Variants in MED13L observed in about 807,000 individuals in gnomAD.
MED13L encodes the protein mediator complex subunit 13L.
In MED13L, 7 loss-of-function variants were observed where a neutral mutation model predicts 220.9. The ratio of observed to expected loss-of-function variants is 0.03; its 90% CI spans 0.02 to 0.06. The LOEUF is 0.06. Ranked by LOEUF, MED13L falls within the 10% of genes least tolerant of loss-of-function variation. MED13L has a pLI of 1.00. For synonymous variants in MED13L, 1,011 were observed against 1,015.2 expected (o/e 1.00, Z 0.08); for missense variants, 1,965 against 2,760.5 (o/e 0.71, Z 6.46).
At chr12:116,018,777 A>C (rs1044968854) in intron 7 of MED13L, among the ~76,000 whole-genome samples, 1 of 152,142 alleles carries the variant, frequency 6.6e-6, no homozygotes, top group Non-Finnish European at 1.5e-5. Flanking sequence ...ACTAAGCACT[A>C]GTCTAACTTT....
chr12:116,064,816 C>T (rs753039975), intron 4 of MED13L, among the ~76,000 whole-genome samples: 42 of 152,206 alleles, frequency 2.8e-4, no homozygotes, highest in Admixed American at 4.6e-4. Context: ...CCAATCTCCA[C>T]ATTGTAGAGC....
rs1173196797 is a variant in MED13L, at chr12:116,031,675, AAAAAGAAAAGAAAAGAAAAG to A, written c.480-9094_480-9075del. Among the ~76,000 whole-genome samples the A allele has an allele frequency of 1.9e-3, 129 of 68,096 alleles. 3 individuals are homozygous for A. The highest frequency in any genetic ancestry group is 3.7e-3 in the East Asian group (9 of 2,412). 44.7% of individuals were successfully genotyped at this position (68,096 alleles called of 152,430 possible). A position where few individuals can be genotyped will look rare whatever the true frequency, so the allele number is the denominator to read the frequency against. ...GGACGGGACGGGACGGGAGAAAAGA[AAAAAGAAAAGAAAAGAAAAG>A]AAAAGAAAAGAAAAGAAAAGAAAAG... On this transcript the variant is annotated intron_variant, in intron 4 of 30. Coordinates refer to ENST00000281928, the MANE Select transcript of MED13L (RefSeq NM_015335.5).
At chr12:116,271,024 G>C (rs11067964) in intron 1 of MED13L, among the ~76,000 whole-genome samples, 12,875 of 118,502 alleles carry the variant, frequency 0.11, 674 homozygotes, top group East Asian at 0.27. Flanking sequence ...CCTGGTGACA[G>C]AGCGAGACTC....
At chr12:115,994,686 A>G (rs2137319801) in intron 16 of MED13L, among the ~76,000 whole-genome samples, 1 of 152,302 alleles carries the variant, frequency 6.6e-6, no homozygotes, top group Admixed American at 6.5e-5. Context: ...GGGTTCTTAA[A>G]ACTGCTATGT....
chr12:116,153,135 T>G (rs972235875), intron 2 of MED13L, among the ~76,000 whole-genome samples: 1 of 152,150 alleles, frequency 6.6e-6, no homozygotes, highest in Non-Finnish European at 1.5e-5. Context: ...ATTAGGGCAA[T>G]GACATCACAT....
intron 3 of MED13L, among the ~76,000 whole-genome samples, chr12:116,104,379 G>A (rs1478497690): frequency 6.6e-6 from 1 of 152,008 alleles, no homozygotes; most frequent in Non-Finnish European, 1.5e-5. Context: ...TGAAAGATAG[G>A]AATAGACAAA....
chr12:116,157,761 GAC>G (rs1487833901), intron 2 of MED13L, among the ~76,000 whole-genome samples: 2 of 152,218 alleles, frequency 1.3e-5, no homozygotes, highest in Non-Finnish European at 2.9e-5. Flanking sequence ...TCCCCACAAA[GAC>G]AAACTTTTAT....
At chr12:116,276,313 TG>T in intron 1 of MED13L, 1 of 251,248 alleles carries the variant, frequency 4.0e-6, no homozygotes. Context: ...TGCTTTTGTG[TG>T]TGTGTGTGTG....
At chr12:116,120,635 A>G (rs963650963) in intron 2 of MED13L, among the ~76,000 whole-genome samples, 1 of 151,958 alleles carries the variant, frequency 6.6e-6, no homozygotes, top group Non-Finnish European at 1.5e-5. Flanking sequence ...AAAAACGACT[A>G]CCAAAAAGTC....
intron 2 of MED13L, among the ~76,000 whole-genome samples, chr12:116,207,849 G>C (rs1882448823): frequency 6.6e-6 from 1 of 152,038 alleles, no homozygotes; most frequent in South Asian, 2.1e-4. Flanking sequence ...GAGTAAGTTA[G>C]TAGCAATAGG....
intron 2 of MED13L, among the ~76,000 whole-genome samples, chr12:116,200,874 G>A (rs544335509): frequency 7.9e-5 from 12 of 152,206 alleles, no homozygotes; most frequent in African/African-American, 1.7e-4. Flanking sequence ...ATAGTAGATC[G>A]GGTAGCTTTT....
intron 1 of MED13L, among the ~76,000 whole-genome samples, chr12:116,242,194 G>A (rs967167157): frequency 2.0e-5 from 3 of 151,610 alleles, no homozygotes; most frequent in Non-Finnish European, 2.9e-5. Flanking sequence ...ACAGGTGCCC[G>A]CCACCACACC....
chr12:116,144,719 A>G (rs1170161395), intron 2 of MED13L, among the ~76,000 whole-genome samples: 2 of 152,240 alleles, frequency 1.3e-5, no homozygotes, highest in Admixed American at 6.5e-5. Flanking sequence ...TATGTTCCAT[A>G]AAAGTGAGTG....
intron 1 of MED13L, among the ~76,000 whole-genome samples, chr12:116,242,849 C>A (rs1028472435): frequency 3.3e-5 from 5 of 152,162 alleles, no homozygotes; most frequent in Non-Finnish European, 7.4e-5. Flanking sequence ...AGTATAAATT[C>A]TTTCCATTCT....
intron 17 of MED13L, among the ~76,000 whole-genome samples, chr12:115,990,129 T>A (rs555413234): frequency 1.2e-4 from 18 of 152,236 alleles, no homozygotes; most frequent in African/African-American, 4.1e-4. Context: ...CCAAGGGCCT[T>A]CCCACTTGCA....
intron 23 of MED13L, among the ~76,000 whole-genome samples, chr12:115,977,255 C>T (rs1592906936): frequency 6.6e-6 from 1 of 152,234 alleles, no homozygotes; most frequent in African/African-American, 2.4e-5. Flanking sequence ...CTGAACTACA[C>T]AGCATTAGGC....
chr12:115,993,855 A>G (rs913484603), intron 16 of MED13L, among the ~76,000 whole-genome samples: 1 of 152,220 alleles, frequency 6.6e-6, no homozygotes, highest in African/African-American at 2.4e-5. Context: ...GATAGTCAAA[A>G]GTGAAAAAGA....
chr12:116,132,054 G>A (rs193052120), intron 2 of MED13L, among the ~76,000 whole-genome samples: 20 of 152,048 alleles, frequency 1.3e-4, no homozygotes, highest in Non-Finnish European at 2.4e-4. Context: ...CAAGGCGGGC[G>A]GATCACCTGA....
intron 2 of MED13L, among the ~76,000 whole-genome samples, chr12:116,144,350 C>T (rs1043554495): frequency 3.3e-5 from 5 of 152,142 alleles, no homozygotes; most frequent in African/African-American, 1.2e-4. Context: ...CCAAAGGGCC[C>T]AGCTCCCAAC....
Sources: gnomAD v4.1 joint callset for allele counts (sites outside exome capture counted in the v4.1 genomes callset) on GRCh38, gnomAD v4.1.1 for gene constraint, MANE v1.5 for transcripts, NCBI Gene and HGNC (gene_info 2026-07-23, HGNC 2026-07-21) for gene names.